YEATS2: variants seen among roughly 807,000 people sequenced by gnomAD.
YEATS2 encodes YEATS domain-containing protein 2.
In YEATS2, 77 loss-of-function variants were observed where a neutral mutation model predicts 163.2. The observed-to-expected ratio is 0.47, with a 90% confidence interval of 0.39 to 0.57. The LOEUF is 0.57. Among genes scored for constraint, YEATS2 ranks in the 20% least tolerant of loss-of-function variants. The probability of loss-of-function intolerance (pLI) is 0.00; values close to 1 mark genes in which losing one functional copy is unlikely to be tolerated. For synonymous variants in YEATS2, 631 were observed against 645.1 expected (o/e 0.98, Z 0.33); for missense variants, 1,549 against 1,729.8 (o/e 0.90, Z 1.85).
chr3:183,770,821 A>G (rs1420820023), intron 15 of YEATS2, among the ~76,000 whole-genome samples: 2 of 152,212 alleles, frequency 1.3e-5, no homozygotes, highest in Non-Finnish European at 2.9e-5. Context: ...ACACTAATAT[A>G]TCACTAATAT....
At chr3:183,741,191 A>T (rs544233548) in intron 8 of YEATS2, among the ~76,000 whole-genome samples, 112 of 152,042 alleles carry the variant, frequency 7.4e-4, no homozygotes, top group African/African-American at 2.6e-3. Context: ...CACCCGCCTC[A>T]GCCTCCCAAA....
intron 21 of YEATS2, chr3:183,793,273 C>T: frequency 8.6e-7 from 1 of 1,165,610 alleles, no homozygotes; most frequent in South Asian, 1.7e-5. Context: ...TTACTTCATT[C>T]ATATGTAGCT....
intron 15 of YEATS2, among the ~76,000 whole-genome samples, chr3:183,764,107 C>T (rs1721652992): frequency 1.3e-5 from 2 of 152,090 alleles, no homozygotes; most frequent in Admixed American, 1.3e-4. Context: ...CACGGTGGCT[C>T]ACGCCCGTAA....
chr3:183,713,958 T>A (rs1020673143), intron 1 of YEATS2, among the ~76,000 whole-genome samples: 1 of 150,678 alleles, frequency 6.6e-6, no homozygotes, highest in Non-Finnish European at 1.5e-5. Context: ...GTGCCCACCA[T>A]TATGCCCAGC....
At chr3:183,740,863 G>A (rs1482156659) in intron 8 of YEATS2, among the ~76,000 whole-genome samples, 2 of 152,236 alleles carry the variant, frequency 1.3e-5, no homozygotes, top group African/African-American at 4.8e-5. Flanking sequence ...GACTTTCATA[G>A]CTAGAGAGGA....
chr3:183,733,689 TG>T (rs982513356), intron 7 of YEATS2, among the ~76,000 whole-genome samples: 3 of 152,214 alleles, frequency 2.0e-5, no homozygotes, highest in Admixed American at 2.0e-4. Flanking sequence ...AAAGCACAAA[TG>T]TTTTTCTTAC....
intron 27 of YEATS2, among the ~76,000 whole-genome samples, chr3:183,805,733 G>A (rs1487764962): frequency 2.0e-5 from 3 of 151,888 alleles, no homozygotes; most frequent in Non-Finnish European, 4.4e-5. Context: ...AGGCTGCAGC[G>A]AGCTGTAATC....
chr3:183,756,606 C>T lies in YEATS2; in HGVS notation c.1469C>T (p.Thr490Ile), dbSNP rs200326044. The change falls in exon 12 of 31, where the codon ACT (threonine) becomes ATT (isoleucine). Residue 490 changes from threonine to isoleucine, a missense_variant. By Grantham distance (89) the Thr-to-Ile change is moderately conservative (BLOSUM62 -1). Transcript: ENST00000305135. ...TSTPVHVKQG[T>I]AGSVINNPYV... is the part of the protein sequence containing the mutation. ...ACTCCAGTCCACGTGAAGCAAGGCA[C>T]TGCCGGCTCTGTTATTAATAATCCT... The T allele has an allele frequency of 3.1e-6, 5 of 1,607,456 alleles. No homozygotes were observed. The African/African-American group carries it at 5.3e-5, about 17-fold the overall frequency.
At chr3:183,801,253 C>G (rs765052394) in intron 24 of YEATS2, 1 of 440,766 alleles carries the variant, frequency 2.3e-6, no homozygotes, top group Non-Finnish European at 4.1e-6. Context: ...GGATCTTAGT[C>G]TTGACATTTT....
rs1035329007 is a variant in YEATS2 at position 183,811,824 on chromosome 3, TGAGTCA to T, written c.*1251_*1256del. 10 of 152,252 alleles carry T rather than the reference TGAGTCA, an allele frequency of 6.6e-5. No individual in the cohort carries two copies. The highest frequency in any genetic ancestry group is 2.2e-4 in the African/African-American group (9 of 41,460). The allele number at this position is 152,252 out of a possible 1,614,324, so 9.4% of individuals were successfully genotyped here. A position where few individuals can be genotyped will look rare whatever the true frequency, so the allele number is the denominator to read the frequency against. On this transcript the variant is annotated 3_prime_UTR_variant, in exon 31 of 31. Transcript: ENST00000305135. ...CTGCTCCAGGAAAATCGGAAACCTG[TGAGTCA>T]GAGTCAGAGAAACTTACCCAAGCAA...
At chr3:183,803,862 T>A in intron 26 of YEATS2, 125 bp from the exon 27 acceptor site, 2 of 1,025,020 alleles carry the variant, frequency 2.0e-6, no homozygotes, top group Non-Finnish European at 2.8e-6. Context: ...ACAACCAGGT[T>A]TTTTTCTTTA....
intron 1 of YEATS2, among the ~76,000 whole-genome samples, chr3:183,710,108 A>G (rs1434062677): frequency 1.3e-5 from 2 of 152,234 alleles, no homozygotes; most frequent in African/African-American, 2.4e-5. Context: ...GTCAAATTGT[A>G]TATGATAACA....
At chr3:183,786,480 T>C (rs951404934) in intron 20 of YEATS2, among the ~76,000 whole-genome samples, 179 bp downstream of exon 20, 53 of 152,224 alleles carry the variant, frequency 3.5e-4, no homozygotes, top group South Asian at 4.1e-4. Context: ...AGTTCAGTAG[T>C]GCTTGTCATT....
At chr3:183,744,357 T>A (rs1446683186) in intron 8 of YEATS2, among the ~76,000 whole-genome samples, 1 of 151,820 alleles carries the variant, frequency 6.6e-6, no homozygotes, top group Non-Finnish European at 1.5e-5. Context: ...CCTCAGGTGA[T>A]CCACCCACCT....
At chr3:183,768,875 G>A (rs1414312096) in intron 15 of YEATS2, among the ~76,000 whole-genome samples, 1 of 152,188 alleles carries the variant, frequency 6.6e-6, no homozygotes, top group Non-Finnish European at 1.5e-5. Context: ...AGGAGGCAAA[G>A]GCAGGAGAAT....
At chr3:183,708,731 G>A (rs1016647084) in intron 1 of YEATS2, among the ~76,000 whole-genome samples, 1 of 152,016 alleles carries the variant, frequency 6.6e-6, no homozygotes, top group African/African-American at 2.4e-5. Flanking sequence ...GCAGGTATGG[G>A]CACACACCTG....
At chr3:183,808,312 T>A in intron 29 of YEATS2, 1 of 561,094 alleles carries the variant, frequency 1.8e-6, no homozygotes, top group Non-Finnish European at 3.2e-6. Context: ...GTCATGTGGT[T>A]TCAGGTGCCT....
rs146705467 is a variant in YEATS2 at position 183,775,955 on chromosome 3, C to CGGA, written c.2436_2438dup (p.Gly814dup). The CGGA allele has an allele frequency of 4.9e-3, 7,690 of 1,581,966 alleles. 137 individuals are homozygous for CGGA. In the African/African-American group the frequency reaches 0.078, roughly 16 times the overall value. The stretch of plus-strand genomic sequence containing the variant: ...CAGCTGCCAGTGGTGGGAGTGGTGC[C>CGGA]GGAGGAGGAGGAGGAGGAGGAGGAG... On this transcript the variant is annotated inframe_insertion, in exon 18 of 31. Coordinates refer to ENST00000305135, the MANE Select transcript of YEATS2 (RefSeq NM_018023.5).
chr3:183,706,158 T>A (rs1382502309), intron 1 of YEATS2, among the ~76,000 whole-genome samples: 1 of 151,966 alleles, frequency 6.6e-6, no homozygotes, highest in African/African-American at 2.4e-5. Context: ...GGAAGGCCCC[T>A]GATAAGGGGG....
Sources: allele counts gnomAD v4.1 joint callset (sites outside exome capture counted in the v4.1 genomes callset), GRCh38; gene constraint gnomAD v4.1.1; transcripts MANE v1.5; gene names NCBI Gene and HGNC (gene_info 2026-07-23, HGNC 2026-07-21).